GALK2: variants seen among roughly 807,000 people sequenced by gnomAD.
The protein encoded by GALK2 is N-acetylgalactosamine kinase.
Under a neutral mutation model 52.4 loss-of-function variants are expected in GALK2, and 36 were observed. The observed-to-expected ratio is 0.69, with a 90% confidence interval of 0.53 to 0.91. The LOEUF is 0.91. Among genes scored for constraint, GALK2 ranks in the 40% least tolerant of loss-of-function variants. The pLI, the probability that GALK2 is intolerant of heterozygous loss-of-function variation, is 0.00. For missense variants in GALK2, 579 were observed against 559.1 expected (o/e 1.04, Z -0.36); for synonymous variants, 176 against 199.1 (o/e 0.88, Z 0.98).
rs1389491421 is a variant in GALK2 at position 49,156,576 on chromosome 15, A to G, written c.20+560A>G. On this transcript the variant is annotated intron_variant, in intron 1 of 9. Coordinates refer to the GALK2 transcript ENST00000327171. Reference sequence around the variant, plus strand: ...TCTTCCGTGCAGCTGAAAGCTGCTGAAACACGTCAGGAGCCAAAGAAATTC... The same window carrying G: ...TCTTCCGTGCAGCTGAAAGCTGCTGGAACACGTCAGGAGCCAAAGAAATTC... 7.7e-6 allele frequency: 4 copies of G among 520,408 alleles called. No homozygotes were observed. In the Admixed American group the frequency reaches 8.6e-5, roughly 11 times the overall value. 32.2% of individuals were successfully genotyped at this position (520,408 alleles called of 1,614,324 possible).
intron 7 of GALK2, among the ~76,000 whole-genome samples, chr15:49,292,024 C>T (rs1056850160): frequency 2.0e-5 from 3 of 151,892 alleles, no homozygotes; most frequent in African/African-American, 7.3e-5. Context: ...AAAGAAACAG[C>T]CCTGAGGGAA....
At chr15:49,232,463 G>T (rs2090555634) in intron 3 of GALK2, among the ~76,000 whole-genome samples, 4 of 152,172 alleles carry the variant, frequency 2.6e-5, no homozygotes, top group Admixed American at 2.0e-4. Context: ...TTTCCCCTTT[G>T]TCTTGGCCAT....
intron 5 of GALK2, among the ~76,000 whole-genome samples, chr15:49,246,266 G>C (rs2091347826): frequency 6.6e-6 from 1 of 152,180 alleles, no homozygotes; most frequent in Non-Finnish European, 1.5e-5. Flanking sequence ...AGGAATCTTA[G>C]AATAGAAATA....
chr15:49,156,556 C>A, intron 1 of GALK2: 1 of 518,810 alleles, frequency 1.9e-6, no homozygotes, highest in Non-Finnish European at 3.8e-6. Context: ...CTGTGTCTTC[C>A]GTGCAGCTGA....
chr15:49,354,834 G>A (rs2042849147), intron 3 of GALK2, among the ~76,000 whole-genome samples: 2 of 151,964 alleles, frequency 1.3e-5, no homozygotes, highest in South Asian at 2.1e-4. Context: ...AGACTTAAAT[G>A]TCCCTGTCTG....
intron 3 of GALK2, among the ~76,000 whole-genome samples, chr15:49,222,263 T>C (rs911754895): frequency 1.3e-5 from 2 of 152,218 alleles, no homozygotes; most frequent in Non-Finnish European, 2.9e-5. Flanking sequence ...ACTGCAACTT[T>C]ACTGAATTTA....
chr15:49,361,499 T>G (rs986297819), intron 3 of GALK2, among the ~76,000 whole-genome samples: 2 of 152,176 alleles, frequency 1.3e-5, no homozygotes, highest in Non-Finnish European at 2.9e-5. Flanking sequence ...ACATGTGGTT[T>G]TAGTTTTCTG....
chr15:49,214,843 TA>T (rs1050479571), intron 2 of GALK2, among the ~76,000 whole-genome samples: 1 of 152,186 alleles, frequency 6.6e-6, no homozygotes, highest in African/African-American at 2.4e-5. Context: ...ATGTGATATA[TA>T]TTTTTTTACA....
intron 3 of GALK2, among the ~76,000 whole-genome samples, chr15:49,364,260 G>T (rs899623057): frequency 5.3e-5 from 8 of 152,062 alleles, no homozygotes; most frequent in African/African-American, 1.9e-4. Flanking sequence ...TTTCTGGTTG[G>T]TAGGCTTTTT....
chr15:49,341,467 A>G (rs1454064668), intron 3 of GALK2, among the ~76,000 whole-genome samples: 1 of 151,870 alleles, frequency 6.6e-6, no homozygotes, highest in African/African-American at 2.4e-5. Flanking sequence ...GAGATCTTGC[A>G]CCTCCTGGGT....
chr15:49,320,518 A>T (rs1035244804), intron 9 of GALK2, among the ~76,000 whole-genome samples: 3 of 152,262 alleles, frequency 2.0e-5, no homozygotes, highest in African/African-American at 7.2e-5. Context: ...TGAAACTGGG[A>T]AAGTTCTCAA....
chr15:49,359,468 G>T lies in GALK2; in HGVS notation c.427-8023G>T, dbSNP rs1270172254. Among the ~76,000 whole-genome samples the T allele has an allele frequency of 9.2e-5, 11 of 119,278 alleles. 3 individuals are homozygous for T. The highest frequency in any genetic ancestry group is 3.6e-4 in the African/African-American group (11 of 30,906). 78.3% of individuals were successfully genotyped at this position (119,278 alleles called of 152,430 possible). Reference sequence around the variant, plus strand: ...CTTCTCAAAAGAAGACATTTATGCAGCCAAAAAACACATGAAAAAATGCTC... The same window carrying T: ...CTTCTCAAAAGAAGACATTTATGCATCCAAAAAACACATGAAAAAATGCTC... On this transcript the variant is annotated intron_variant, in intron 3 of 3. Transcript: ENST00000558399.
At chr15:49,244,557 GAATT>G (rs142738192) in intron 5 of GALK2, among the ~76,000 whole-genome samples, 3,381 of 152,268 alleles carry the variant, frequency 0.022, 102 homozygotes, top group South Asian at 0.077. Flanking sequence ...CTGTTTAAAT[GAATT>G]AATCAAATGT....
At chr15:49,234,956 A>G (rs979429045) in intron 3 of GALK2, among the ~76,000 whole-genome samples, 26 of 152,102 alleles carry the variant, frequency 1.7e-4, no homozygotes, top group African/African-American at 5.8e-4. Flanking sequence ...TAGTAGAGAC[A>G]GGGTTTCACC....
At chr15:49,180,170 T>C (rs1254042482) in intron 1 of GALK2, among the ~76,000 whole-genome samples, 3 of 152,192 alleles carry the variant, frequency 2.0e-5, no homozygotes, top group Non-Finnish European at 4.4e-5. Flanking sequence ...AGGAGACTTA[T>C]TCTAACTCTG....
intron 3 of GALK2, among the ~76,000 whole-genome samples, chr15:49,353,237 T>A (rs1253174908): frequency 6.6e-6 from 1 of 152,128 alleles, no homozygotes; most frequent in Non-Finnish European, 1.5e-5. Flanking sequence ...AGGCTCAAAT[T>A]TGGGCTCAAA....
intron 4 of GALK2, among the ~76,000 whole-genome samples, chr15:49,236,886 A>G (rs2090838469): frequency 6.6e-6 from 1 of 152,220 alleles, no homozygotes. Flanking sequence ...TCTAATGTGT[A>G]GTCCTATACT....
At chr15:49,251,508 G>A (rs934587828) in intron 5 of GALK2, among the ~76,000 whole-genome samples, 2 of 149,274 alleles carry the variant, frequency 1.3e-5, no homozygotes, top group African/African-American at 5.0e-5. Context: ...TTTTATTGTG[G>A]CAAGACCACT....
chr15:49,331,500 T>A lies in GALK2; in HGVS notation c.*3341T>A. 1 of 358,360 alleles carries A rather than the reference T, an allele frequency of 2.8e-6. No homozygotes were observed. Among genetic ancestry groups the A allele is most frequent in the Non-Finnish European group, 5.1e-6 (1 of 197,930 alleles). 22.2% of individuals were successfully genotyped at this position (358,360 alleles called of 1,614,324 possible). On this transcript the variant is annotated 3_prime_UTR_variant, in exon 10 of 10. Transcript: ENST00000560031. ...AAAAACTTACAATTTTAAACATCAG[T>A]GATTATTAGTTTGTAATTCTAACTG... is the stretch of plus-strand genomic sequence containing the variant.
Sources: gnomAD v4.1 joint callset for allele counts (sites outside exome capture counted in the v4.1 genomes callset) on GRCh38, gnomAD v4.1.1 for gene constraint, MANE v1.5 for transcripts, NCBI Gene and HGNC (gene_info 2026-07-23, HGNC 2026-07-21) for gene names.